NFIA: variants seen among roughly 807,000 people sequenced by gnomAD.
NFIA encodes nuclear factor I A.
Under a neutral mutation model 62.8 loss-of-function variants are expected in NFIA, and 8 were observed. That is an observed-to-expected ratio of 0.13 (90% CI 0.07 to 0.23). The LOEUF (loss-of-function observed/expected upper bound fraction) is 0.23, where lower values mean the gene tolerates loss of function less well. Ranked by LOEUF, NFIA falls within the 10% of genes least tolerant of loss-of-function variation. The pLI, the probability that NFIA is intolerant of heterozygous loss-of-function variation, is 1.00. For missense variants in NFIA, 410 were observed against 642.1 expected (o/e 0.64, Z 3.91); for synonymous variants, 235 against 238.1 (o/e 0.99, Z 0.12).
intron 7 of NFIA, among the ~76,000 whole-genome samples, chr1:61,387,111 T>C (rs1018434812): frequency 1.8e-4 from 28 of 152,148 alleles, no homozygotes; most frequent in Non-Finnish European, 3.4e-4. Context: ...ATATGGATCC[T>C]AGAGGGCCAC....
At chr1:61,101,925 A>G (rs1454599532) in intron 2 of NFIA, among the ~76,000 whole-genome samples, 2 of 152,216 alleles carry the variant, frequency 1.3e-5, no homozygotes, top group African/African-American at 4.8e-5. Context: ...TGATAAATGA[A>G]ATAACAACAA....
chr1:61,426,518 C>T lies in NFIA; in HGVS notation c.1474C>T (p.Arg492Trp). The change falls in exon 10 of 11, where the codon CGG (arginine) becomes TGG (tryptophan). Residue 492 changes from arginine to tryptophan, a missense_variant. Physicochemically the swap from Arg to Trp is moderately radical, Grantham distance 101. Around this residue, in one of 3 missense-constraint regions of NFIA, gnomAD observed 298 missense variants for 438.1 expected, o/e 0.68. Transcript: ENST00000403491. ...AAACCGATTCGTCAGTGTTGGACCA[C>T]GGGATCCAAGCTTTGTAAATATCCC... is the stretch of plus-strand genomic sequence containing the variant. ...PANRFVSVGP[R>W]DPSFVNIPQQ... is the part of the protein sequence containing the mutation. The T allele has an allele frequency of 1.3e-6, 2 of 1,551,940 alleles. No homozygotes were observed. The highest frequency in any genetic ancestry group is 1.7e-6 in the Non-Finnish European group (2 of 1,147,014).
At chr1:61,354,301 T>G (rs1349664647) in intron 5 of NFIA, among the ~76,000 whole-genome samples, 2 of 152,224 alleles carry the variant, frequency 1.3e-5, no homozygotes, top group African/African-American at 4.8e-5. Context: ...GGATGATTTT[T>G]AAAATTCTTT....
chr1:61,277,501 G>C lies in NFIA; in HGVS notation c.560-19G>C, dbSNP rs199937158. On this transcript the variant is annotated intron_variant, in intron 2 of 10. Transcript: ENST00000403491. ...CTTGCAGACCCTGTAATTTTTGGCT[G>C]TATTTTTATGTTTTTCAGATTCAAG... 1.7e-5 allele frequency: 28 copies of C among 1,612,938 alleles called. No homozygotes were observed. The highest frequency in any genetic ancestry group is 2.7e-5 in the African/African-American group (2 of 74,818).
chr1:61,347,374 C>A (rs368439791), intron 4 of NFIA, among the ~76,000 whole-genome samples: 9 of 151,818 alleles, frequency 5.9e-5, no homozygotes, highest in Non-Finnish European at 1.2e-4. Flanking sequence ...GGAGTTTCAC[C>A]GTGTTAGCCA....
intron 6 of NFIA, among the ~76,000 whole-genome samples, chr1:61,362,221 T>G (rs1326540540): frequency 6.6e-6 from 1 of 152,134 alleles, no homozygotes; most frequent in East Asian, 1.9e-4. Context: ...CCTGCATAGC[T>G]TTTCCCCAGG....
chr1:61,440,899 G>A (rs554744420), intron 10 of NFIA, among the ~76,000 whole-genome samples: 125 of 152,184 alleles, frequency 8.2e-4, no homozygotes, highest in African/African-American at 2.9e-3. Flanking sequence ...CTTAAAGCTG[G>A]TAATTTCCTT....
chr1:61,213,434 T>C (rs540596424), intron 2 of NFIA, among the ~76,000 whole-genome samples: 12 of 152,362 alleles, frequency 7.9e-5, no homozygotes, highest in Middle Eastern at 6.8e-3. Context: ...TGAGCTGATA[T>C]ATGTAACCCT....
At chr1:61,086,886 C>A (rs1646228137) in intron 1 of NFIA, among the ~76,000 whole-genome samples, 3 of 152,042 alleles carry the variant, frequency 2.0e-5, no homozygotes, top group African/African-American at 7.2e-5. Flanking sequence ...TAATATTTGT[C>A]TGTCCTACAC....
At chr1:61,425,235 C>A (rs2100552752) in intron 9 of NFIA, among the ~76,000 whole-genome samples, 1 of 152,000 alleles carries the variant, frequency 6.6e-6, no homozygotes, top group African/African-American at 2.4e-5. Context: ...AAATTTTATC[C>A]CTAGATTTGT....
intron 2 of NFIA, among the ~76,000 whole-genome samples, chr1:61,215,500 A>G (rs1365186819): frequency 1.3e-5 from 2 of 151,652 alleles, no homozygotes; most frequent in Non-Finnish European, 3.0e-5. Context: ...AAAAAATTAA[A>G]TTAACTCCAC....
At chr1:61,254,554 A>G (rs961981624) in intron 2 of NFIA, among the ~76,000 whole-genome samples, 5 of 152,234 alleles carry the variant, frequency 3.3e-5, no homozygotes, top group Admixed American at 6.5e-5. Context: ...ATTAGTACAT[A>G]GAACAGTTAT....
At chr1:61,082,953 CGT>C (rs1242956734) in intron 1 of NFIA, 135 bp downstream of exon 1, 1 of 352,584 alleles carries the variant, frequency 2.8e-6, no homozygotes, top group Non-Finnish European at 3.8e-6. Flanking sequence ...TGTGTCTGCG[CGT>C]GTTTCTGTGT....
At chr1:61,367,391 T>C (rs1663646807) in intron 6 of NFIA, among the ~76,000 whole-genome samples, 1 of 152,226 alleles carries the variant, frequency 6.6e-6, no homozygotes, top group Admixed American at 6.5e-5. Context: ...CATCTCTTGC[T>C]GGAGTAGGAA....
intron 10 of NFIA, among the ~76,000 whole-genome samples, chr1:61,446,602 G>C (rs1667822344): frequency 1.3e-5 from 2 of 152,208 alleles, no homozygotes; most frequent in Admixed American, 1.3e-4. Flanking sequence ...GAAGTCCAAA[G>C]GTGGCAGATG....
chr1:61,247,020 G>A (rs1360924788), intron 2 of NFIA, among the ~76,000 whole-genome samples: 3 of 152,094 alleles, frequency 2.0e-5, no homozygotes, highest in Non-Finnish European at 2.9e-5. Context: ...TTTTTTGACC[G>A]TTTGTCTCAT....
At chr1:61,329,808 G>C (rs1251144764) in intron 3 of NFIA, among the ~76,000 whole-genome samples, 1 of 152,152 alleles carries the variant, frequency 6.6e-6, no homozygotes, top group Non-Finnish European at 1.5e-5. Context: ...CATCAGATTT[G>C]CATATCTGTC....
intron 9 of NFIA, among the ~76,000 whole-genome samples, chr1:61,422,568 G>A (rs1666674868): frequency 6.6e-6 from 1 of 152,086 alleles, no homozygotes; most frequent in African/African-American, 2.4e-5. Context: ...TTGGCTAGCA[G>A]TCAGTAAGCC....
intron 6 of NFIA, among the ~76,000 whole-genome samples, chr1:61,370,986 C>G (rs1395209276): frequency 6.6e-6 from 1 of 152,076 alleles, no homozygotes; most frequent in African/African-American, 2.4e-5. Flanking sequence ...CCATGTTAGC[C>G]CCACCCAGAA....
Sources: gnomAD v4.1 joint callset for allele counts (sites outside exome capture counted in the v4.1 genomes callset) on GRCh38, gnomAD v4.1.1 for gene constraint, gnomAD v4.1.1 regional missense constraint, MANE v1.5 for transcripts, NCBI Gene and HGNC (gene_info 2026-07-23, HGNC 2026-07-21) for gene names.